CEP112: variants seen among roughly 807,000 people sequenced by gnomAD.
CEP112 encodes the protein centrosomal protein of 112 kDa.
CEP112 carries 127 observed loss-of-function variants against 153.0 expected under a neutral mutation model. That is an observed-to-expected ratio of 0.83 (90% CI 0.72 to 0.96). The LOEUF is 0.96. CEP112 is among the 40% of genes least tolerant of loss of function. The pLI is 0.00. For missense variants in CEP112, 1,089 were observed against 1,101.2 expected, an observed-to-expected ratio of 0.99 and a Z score of 0.16; for synonymous variants, 358 against 374.4, an observed-to-expected ratio of 0.96 and a Z score of 0.51.
chr17:66,099,877 T>A (rs2068496872), intron 6 of CEP112, among the ~76,000 whole-genome samples: 1 of 152,144 alleles, frequency 6.6e-6, no homozygotes, highest in Admixed American at 6.6e-5. Context: ...CACCAGGGTT[T>A]TTGTGCAACC....
rs999916618 is a variant in CEP112, at chr17:66,165,039, G to A, written c.470+10005C>T. ...TCATCACCAAAAAAGGGAGCTGCCC[G>A]TGAAATGCAAGTAAGCACAGAAGAA... is the stretch of plus-strand genomic sequence containing the variant. On this transcript the variant is annotated intron_variant, in intron 4 of 26. Transcript: ENST00000535342. Among the ~76,000 whole-genome samples, 11 of 150,598 alleles carry A rather than the reference G, an allele frequency of 7.3e-5. No individual in the cohort carries two copies. The East Asian group carries it at 1.4e-3, about 19-fold the overall frequency.
intron 4 of CEP112, among the ~76,000 whole-genome samples, chr17:66,159,447 G>A (rs372749238): frequency 1.4e-4 from 21 of 152,146 alleles, no homozygotes; most frequent in East Asian, 9.7e-4. Context: ...TGCAAAAATC[G>A]TCAATAAAAT....
intron 20 of CEP112, among the ~76,000 whole-genome samples, chr17:65,862,311 G>C (rs766955986): frequency 2.6e-5 from 4 of 152,162 alleles, no homozygotes; most frequent in African/African-American, 7.2e-5. Context: ...ATTCTTGGCC[G>C]GGCATAGTGG....
chr17:65,649,635 CTT>C (rs997361470), intron 24 of CEP112, among the ~76,000 whole-genome samples: 1 of 149,670 alleles, frequency 6.7e-6, no homozygotes, highest in East Asian at 2.0e-4. Context: ...GGGAGGGTCA[CTT>C]GAGTCCAGGA....
chr17:65,731,879 A>G (rs991425808), intron 23 of CEP112, among the ~76,000 whole-genome samples: 8 of 152,086 alleles, frequency 5.3e-5, no homozygotes, highest in African/African-American at 1.9e-4. Context: ...CTCCATTTCC[A>G]ATTCTAGTTC....
At chr17:65,969,903 A>G (rs1200464409) in intron 17 of CEP112, among the ~76,000 whole-genome samples, 1 of 152,206 alleles carries the variant, frequency 6.6e-6, no homozygotes, top group African/African-American at 2.4e-5. Context: ...TGCTTAACAC[A>G]TGCATATTAC....
At chr17:65,992,548 A>G (rs2063631298) in intron 17 of CEP112, among the ~76,000 whole-genome samples, 1 of 152,182 alleles carries the variant, frequency 6.6e-6, no homozygotes, top group African/African-American at 2.4e-5. Flanking sequence ...TGGTTCTTTG[A>G]TAATGCCAAT....
At chr17:65,892,592 T>C (rs564486730) in intron 20 of CEP112, among the ~76,000 whole-genome samples, 5 of 152,228 alleles carry the variant, frequency 3.3e-5, no homozygotes, top group Non-Finnish European at 7.4e-5. Context: ...TTTCCAAATT[T>C]TGCCCCAAGT....
At chr17:65,679,129 CTTTTTTTT>C (rs57907674) in intron 24 of CEP112, among the ~76,000 whole-genome samples, 13 of 31,612 alleles carry the variant, frequency 4.1e-4, no homozygotes, top group African/African-American at 8.7e-4. Context: ...GTGGTTCAAG[CTTTTTTTT>C]TTTTTTTTTT....
chr17:65,667,082 A>G (rs1254790175), intron 24 of CEP112, among the ~76,000 whole-genome samples: 1 of 152,210 alleles, frequency 6.6e-6, no homozygotes, highest in East Asian at 1.9e-4. Context: ...GGAAATGAGC[A>G]CATTGCTGGC....
intron 21 of CEP112, among the ~76,000 whole-genome samples, chr17:65,758,901 G>C (rs184779233): frequency 6.6e-6 from 1 of 152,162 alleles, no homozygotes; most frequent in African/African-American, 2.4e-5. Flanking sequence ...ACTCCATCTT[G>C]AATAGGGGAT....
At position 66,143,229 on chromosome 17, in the gene CEP112, G is replaced by A. The variant is rs191236311; in HGVS notation, c.471-10466C>T. On this transcript the variant is annotated intron_variant, in intron 4 of 26. Coordinates refer to ENST00000535342, the MANE Select transcript of CEP112 (RefSeq NM_001199165.4). ...ATGTCCAACATAGGATATATAAGAT[G>A]GTAAAAGCAAATTATTTTTCATTCT... Among the ~76,000 whole-genome samples, 363 of 152,206 alleles carry A rather than the reference G, an allele frequency of 2.4e-3. 3 individuals are homozygous for A. Among genetic ancestry groups the A allele is most frequent in the Non-Finnish European group, 6.6e-4 (45 of 68,002 alleles).
chr17:65,974,252 A>C (rs2062953172), intron 17 of CEP112, among the ~76,000 whole-genome samples: 1 of 151,492 alleles, frequency 6.6e-6, no homozygotes, highest in South Asian at 2.1e-4. Flanking sequence ...ATTTTTTTGC[A>C]TTTTTTGTAG....
intron 4 of CEP112, among the ~76,000 whole-genome samples, chr17:66,173,039 G>A (rs1411907901): frequency 2.0e-5 from 3 of 152,174 alleles, no homozygotes; most frequent in Middle Eastern, 3.4e-3. Context: ...GACCACAGAC[G>A]CACAGGCTGT....
chr17:65,737,603 C>T (rs747589849), intron 23 of CEP112, among the ~76,000 whole-genome samples: 4 of 152,176 alleles, frequency 2.6e-5, no homozygotes, highest in Admixed American at 6.5e-5. Flanking sequence ...CCCTGAAACA[C>T]ACTTAACATA....
intron 6 of CEP112, among the ~76,000 whole-genome samples, chr17:66,110,727 C>A (rs1277862088): frequency 6.7e-6 from 1 of 149,662 alleles, no homozygotes; most frequent in Non-Finnish European, 1.5e-5. Flanking sequence ...GGATTAAAGA[C>A]TTAAATGTAA....
At chr17:65,653,119 AC>A (rs1170253605) in intron 24 of CEP112, among the ~76,000 whole-genome samples, 1 of 152,152 alleles carries the variant, frequency 6.6e-6, no homozygotes, top group African/African-American at 2.4e-5. Flanking sequence ...ACCTCCGAAT[AC>A]CATCACATTG....
At chr17:65,830,955 G>A (rs1324533751) in intron 21 of CEP112, among the ~76,000 whole-genome samples, 1 of 152,130 alleles carries the variant, frequency 6.6e-6, no homozygotes, top group African/African-American at 2.4e-5. Context: ...AATTGGCAGG[G>A]CAATGAGTTT....
intron 8 of CEP112, among the ~76,000 whole-genome samples, chr17:66,072,799 T>C (rs2067351989): frequency 6.6e-6 from 1 of 152,194 alleles, no homozygotes; most frequent in African/African-American, 2.4e-5. Context: ...AGAATACCTC[T>C]ATATTTCCAC....
Sources: allele counts gnomAD v4.1 joint callset (sites outside exome capture counted in the v4.1 genomes callset), GRCh38; gene constraint gnomAD v4.1.1; transcripts MANE v1.5; gene names NCBI Gene and HGNC (gene_info 2026-07-23, HGNC 2026-07-21).